The following ADAM32 variants were observed in gnomAD, a reference collection of about 807,000 sequenced individuals.
ADAM32 encodes the protein disintegrin and metalloproteinase domain-containing protein 32.
In ADAM32, 89 loss-of-function variants were observed where a neutral mutation model predicts 114.9. The observed-to-expected ratio is 0.77, with a 90% CI of 0.65 to 0.92. The LOEUF (loss-of-function observed/expected upper bound fraction) is 0.92, where lower values mean the gene tolerates loss of function less well. ADAM32 is among the 40% of genes least tolerant of loss of function. The probability of loss-of-function intolerance (pLI) is 0.00; values close to 1 mark genes in which losing one functional copy is unlikely to be tolerated. For synonymous variants in ADAM32, 285 were observed against 307.5 expected, an observed-to-expected ratio of 0.93 and a Z score of 0.77; for missense variants, 870 against 932.8, an observed-to-expected ratio of 0.93 and a Z score of 0.88.
chr8:39,232,171 A>G, intron 15 of ADAM32, 36 bp downstream of exon 15: 2 of 1,502,902 alleles, frequency 1.3e-6, no homozygotes, highest in Non-Finnish European at 1.8e-6. Context: ...CTTTTCTTAT[A>G]TTCTATTAGA....
At position 39,276,028 on chromosome 8, in the gene ADAM32, C is replaced by T. The variant is rs116992852; in HGVS notation, c.2279+162C>T. 15 of 517,428 alleles carry T rather than the reference C, an allele frequency of 2.9e-5. No homozygotes were observed. In the South Asian group the frequency reaches 3.7e-4, roughly 13 times the overall value. 32.1% of individuals were successfully genotyped at this position (517,428 alleles called of 1,614,324 possible). A position where few individuals can be genotyped will look rare whatever the true frequency, so the allele number is the denominator to read the frequency against. On this transcript the variant is annotated intron_variant, in intron 22 of 24. Transcript: ENST00000379907. ...ACCTATTTGCTGATCTAGTAACTTGCGAGTATTTGTCTAAATAAGACAATA... is the reference window on the plus strand; with the variant it reads ...ACCTATTTGCTGATCTAGTAACTTGTGAGTATTTGTCTAAATAAGACAATA...
At chr8:39,114,689 A>T (rs999825945) in intron 1 of ADAM32, among the ~76,000 whole-genome samples, 55 of 152,050 alleles carry the variant, frequency 3.6e-4, no homozygotes, top group Admixed American at 2.2e-3. Flanking sequence ...ATGTTTAAAA[A>T]TTTTTTTCAT....
At chr8:39,266,599 T>A (rs1812374793) in intron 19 of ADAM32, among the ~76,000 whole-genome samples, 1 of 152,200 alleles carries the variant, frequency 6.6e-6, no homozygotes, top group South Asian at 2.1e-4. Flanking sequence ...TTCGACCTTC[T>A]GTATGTCGAT....
At position 39,274,361 on chromosome 8, in the gene ADAM32, TA is replaced by T. The variant is rs1812941112; in HGVS notation, c.2240+12del. Reference sequence around the variant, plus strand: ...GACATATGCCAGCCAGTAAGTAGGTTAGAAGAGGTTTTTAAGATACATGTTG... The same window carrying T: ...GACATATGCCAGCCAGTAAGTAGGTTGAAGAGGTTTTTAAGATACATGTTG... On this transcript the variant is annotated intron_variant, in intron 21 of 24. Coordinates refer to ENST00000379907, the MANE Select transcript of ADAM32 (RefSeq NM_145004.7). 1 of 1,610,780 alleles carries T rather than the reference TA, an allele frequency of 6.2e-7. No individual in the cohort carries two copies. The highest frequency in any genetic ancestry group is 2.2e-5 in the East Asian group (1 of 44,812).
chr8:39,109,690 C>A (rs908911305), intron 1 of ADAM32, among the ~76,000 whole-genome samples: 1 of 152,158 alleles, frequency 6.6e-6, no homozygotes, highest in Non-Finnish European at 1.5e-5. Flanking sequence ...ACATCTGGCA[C>A]CATGGGATCC....
At chr8:39,111,718 C>T (rs1325720527) in intron 1 of ADAM32, among the ~76,000 whole-genome samples, 1 of 33,542 alleles carries the variant, frequency 3.0e-5, no homozygotes, top group African/African-American at 8.8e-5. Context: ...AAGACTCTTT[C>T]TCAAAAAAAA....
At position 39,178,645 on chromosome 8, in the gene ADAM32, G is replaced by C. The variant is rs563239515; in HGVS notation, c.916-8264G>C. ...TTTTGCATTGATTTTTCTCATCTTT[G>C]TGGGCTATCTACCTTTGATCTTTGA... On this transcript the variant is annotated intron_variant, in intron 10 of 24. Transcript: ENST00000379907. 2.5e-4 allele frequency among the ~76,000 whole-genome samples: 38 copies of C among 152,250 alleles called. No homozygotes were observed. The East Asian group carries it at 2.5e-3, about 10-fold the overall frequency.
At chr8:39,170,572 AT>A (rs954185539) in intron 10 of ADAM32, among the ~76,000 whole-genome samples, 21 of 151,918 alleles carry the variant, frequency 1.4e-4, no homozygotes, top group Non-Finnish European at 2.5e-4. Context: ...TTTAAGTACT[AT>A]TTTTTTAACT....
chr8:39,163,505 GTGA>G (rs2129446131), intron 7 of ADAM32, among the ~76,000 whole-genome samples: 1 of 152,164 alleles, frequency 6.6e-6, no homozygotes, highest in South Asian at 2.1e-4. Flanking sequence ...AGTAATCAGG[GTGA>G]AAACTTAGAA....
At chr8:39,239,972 A>G (rs1036021149) in intron 16 of ADAM32, among the ~76,000 whole-genome samples, 3 of 152,206 alleles carry the variant, frequency 2.0e-5, no homozygotes, top group African/African-American at 7.2e-5. Flanking sequence ...TGGCAACACA[A>G]TAATAGTGGG....
intron 19 of ADAM32, among the ~76,000 whole-genome samples, chr8:39,262,851 G>A (rs956174879): frequency 6.6e-6 from 1 of 152,022 alleles, no homozygotes; most frequent in Non-Finnish European, 1.5e-5. Flanking sequence ...GACAACAGGT[G>A]CGTGCCACCA....
At chr8:39,220,378 GT>G (rs1016946125) in intron 12 of ADAM32, among the ~76,000 whole-genome samples, 1 of 151,806 alleles carries the variant, frequency 6.6e-6, no homozygotes, top group African/African-American at 2.4e-5. Context: ...GATGGGTTTT[GT>G]TTTTTTATTC....
intron 10 of ADAM32, among the ~76,000 whole-genome samples, chr8:39,170,978 G>T (rs949831354): frequency 1.3e-5 from 2 of 152,076 alleles, no homozygotes; most frequent in Non-Finnish European, 2.9e-5. Flanking sequence ...TTTTATGCCA[G>T]GCTGGAGTGC....
At chr8:39,184,752 C>G (rs746238370) in intron 10 of ADAM32, among the ~76,000 whole-genome samples, 7 of 152,330 alleles carry the variant, frequency 4.6e-5, no homozygotes, top group Non-Finnish European at 2.9e-5. Flanking sequence ...ATCACAGCAA[C>G]TCATGTTAAG....
intron 14 of ADAM32, chr8:39,223,729 A>C (rs753754323): frequency 6.6e-6 from 1 of 152,100 alleles, no homozygotes; most frequent in Non-Finnish European, 1.5e-5. Context: ...ATTGTTGTAC[A>C]TTACATCTCT....
intron 10 of ADAM32, among the ~76,000 whole-genome samples, chr8:39,177,715 A>G (rs936586544): frequency 2.0e-5 from 3 of 152,288 alleles, no homozygotes; most frequent in Middle Eastern, 6.8e-3. Flanking sequence ...GTGGTGATGT[A>G]TTCCCTCAGC....
intron 14 of ADAM32, among the ~76,000 whole-genome samples, chr8:39,224,847 C>T (rs1426016628): frequency 1.3e-5 from 2 of 152,102 alleles, no homozygotes; most frequent in Admixed American, 1.3e-4. Context: ...TCTAAGAACC[C>T]TCTGGCAGCA....
intron 3 of ADAM32, among the ~76,000 whole-genome samples, chr8:39,144,090 T>G (rs939069578): frequency 6.6e-6 from 1 of 152,190 alleles, no homozygotes; most frequent in Non-Finnish European, 1.5e-5. Context: ...GTGCAGTATT[T>G]GGTCAGGAGT....
chr8:39,236,711 T>TC (rs1373199126), intron 16 of ADAM32, among the ~76,000 whole-genome samples: 1 of 152,014 alleles, frequency 6.6e-6, no homozygotes, highest in East Asian at 1.9e-4. Flanking sequence ...ACCTGGAAAA[T>TC]CCCCATACTC....
Sources: allele counts gnomAD v4.1 joint callset (sites outside exome capture counted in the v4.1 genomes callset), GRCh38; gene constraint gnomAD v4.1.1; transcripts MANE v1.5; gene names NCBI Gene and HGNC (gene_info 2026-07-23, HGNC 2026-07-21).